DACH2: variants seen among roughly 807,000 people sequenced by gnomAD.
The protein encoded by DACH2 is dachshund family transcription factor 2.
DACH2 carries 17 observed loss-of-function variants against 35.8 expected under a neutral mutation model. The ratio of observed to expected loss-of-function variants is 0.48; its 90% CI spans 0.33 to 0.71. The LOEUF (loss-of-function observed/expected upper bound fraction) is 0.71. Ranked by LOEUF, DACH2 falls within the 30% of genes least tolerant of loss-of-function variation. The probability of loss-of-function intolerance (pLI) is 0.02; values close to 1 mark genes in which losing one functional copy is unlikely to be tolerated. For missense variants in DACH2, 469 were observed against 472.7 expected, an observed-to-expected ratio of 0.99 and a Z score of 0.07; for synonymous variants, 195 against 177.3, an observed-to-expected ratio of 1.10 and a Z score of -0.79.
At chrX:86,438,577 C>T (rs778464191) in intron 2 of DACH2, among the ~76,000 whole-genome samples, 6 of 111,814 alleles carry the variant, frequency 5.4e-5, no homozygotes, top group Non-Finnish European at 1.1e-4. Flanking sequence ...ATGGGTGCCA[C>T]ATTTTCTTTA....
intron 2 of DACH2, among the ~76,000 whole-genome samples, chrX:86,411,020 T>TTTTATATATATATATATATATATATATA (rs1556108950): frequency 3.2e-4 from 13 of 40,508 alleles, no homozygotes; most frequent in Middle Eastern, 0.011. Context: ...ACTAATATGA[T>TTTTATATATATATATATATATATATATA]TATATATATA....
At chrX:86,307,149 G>A in intron 1 of DACH2, among the ~76,000 whole-genome samples, 1 of 111,820 alleles carries the variant, frequency 8.9e-6, no homozygotes, top group Non-Finnish European at 1.9e-5. Context: ...TTGCTCCGAA[G>A]TTCAGTGGAA....
intron 1 of DACH2, among the ~76,000 whole-genome samples, chrX:86,292,502 C>G (rs981991246): frequency 1.8e-5 from 2 of 110,562 alleles, no homozygotes; most frequent in African/African-American, 3.3e-5. Context: ...TTTCTATTTC[C>G]TTTAATTGTG....
At chrX:86,451,997 T>G (rs1180434422) in intron 2 of DACH2, among the ~76,000 whole-genome samples, 1 of 111,947 alleles carries the variant, frequency 8.9e-6, no homozygotes, top group East Asian at 2.8e-4. Flanking sequence ...TTGAGGTATG[T>G]TCCTTCATTA....
chrX:86,665,688 T>A (rs1355137651), intron 4 of DACH2, among the ~76,000 whole-genome samples: 1 of 111,564 alleles, frequency 9.0e-6, no homozygotes, highest in African/African-American at 3.3e-5. Flanking sequence ...TTTTGTATCA[T>A]CTATATTTTG....
At chrX:86,330,866 T>C (rs2035199900) in intron 1 of DACH2, among the ~76,000 whole-genome samples, 1 of 111,719 alleles carries the variant, frequency 9.0e-6, no homozygotes, top group Admixed American at 9.6e-5. Context: ...TTTAGACTGT[T>C]CTGGCCATGA....
chrX:86,463,197 T>C (rs1252986184), intron 2 of DACH2, among the ~76,000 whole-genome samples: 2 of 110,988 alleles, frequency 1.8e-5, no homozygotes, highest in Non-Finnish European at 3.8e-5. Flanking sequence ...TATTATATTT[T>C]CTTGTATAAG....
chrX:86,218,059 T>C (rs1473278973), intron 1 of DACH2, among the ~76,000 whole-genome samples: 1 of 111,606 alleles, frequency 9.0e-6, no homozygotes, highest in Non-Finnish European at 1.9e-5. Flanking sequence ...GTCTATTTAC[T>C]TTAGTCCAAT....
chrX:86,705,050 CATATATAT>C (rs753181886), intron 5 of DACH2, among the ~76,000 whole-genome samples: 1 of 75,287 alleles, frequency 1.3e-5, no homozygotes. Flanking sequence ...ATATATCTCA[CATATATAT>C]ATATATATCT....
At chrX:86,458,879 G>A (rs2037519993) in intron 2 of DACH2, among the ~76,000 whole-genome samples, 1 of 110,420 alleles carries the variant, frequency 9.1e-6, no homozygotes, top group Non-Finnish European at 1.9e-5. Context: ...AGGGGGTGGA[G>A]GCTAGGGGAG....
In DACH2 at chrX:86,205,964, C is replaced by G. The variant is rs771768316; in HGVS notation, c.488+56856C>G. The stretch of plus-strand genomic sequence containing the variant: ...AATAGCTTTCATGTTTTACAAAGTA[C>G]TTTGATACATATTCTCTCACTGACT... On this transcript the variant is annotated intron_variant, in intron 1 of 11. Coordinates refer to ENST00000373125, the MANE Select transcript of DACH2 (RefSeq NM_053281.3). 1.1e-4 allele frequency among the ~76,000 whole-genome samples: 12 copies of G among 111,896 alleles called. No homozygotes were observed. In the East Asian group the frequency reaches 3.4e-3, roughly 32 times the overall value.
At chrX:86,229,834 C>G (rs767062642) in intron 1 of DACH2, among the ~76,000 whole-genome samples, 3 of 95,459 alleles carry the variant, frequency 3.1e-5, no homozygotes, top group Non-Finnish European at 5.7e-5. Context: ...AGAAACTTTG[C>G]TGAATTTTTT....
chrX:86,614,509 C>G (rs1378912017), intron 3 of DACH2, among the ~76,000 whole-genome samples: 1 of 111,578 alleles, frequency 9.0e-6, no homozygotes, highest in Non-Finnish European at 1.9e-5. Context: ...GAGATGTTAT[C>G]CCATTTTGCA....
At chrX:86,722,227 T>G (rs1486584456) in intron 6 of DACH2, among the ~76,000 whole-genome samples, 1 of 112,301 alleles carries the variant, frequency 8.9e-6, no homozygotes, top group Non-Finnish European at 1.9e-5. Flanking sequence ...CCTTAGTTCA[T>G]TGAGCTCTTT....
At chrX:86,233,040 A>G (rs902284893) in intron 1 of DACH2, among the ~76,000 whole-genome samples, 1 of 111,971 alleles carries the variant, frequency 8.9e-6, no homozygotes, top group Non-Finnish European at 1.9e-5. Flanking sequence ...CCTTTCCAGG[A>G]ACATGAATGG....
At chrX:86,293,585 C>G (rs376295764) in intron 1 of DACH2, among the ~76,000 whole-genome samples, 2 of 109,874 alleles carry the variant, frequency 1.8e-5, no homozygotes, top group East Asian at 5.7e-4. Flanking sequence ...CCATGTTTAG[C>G]GCTTCCTTCA....
Position 86,498,855 on chromosome X carries a change from T to A in DACH2, c.528-15424T>A, listed in dbSNP as rs774254551. On this transcript the variant is annotated intron_variant, in intron 2 of 11. Transcript: ENST00000373125. ...TCTCTCAAAAGTGCAAGATTTTTTT[T>A]ATTCTAATTTAAGTAAAATAAGTTT... Among the ~76,000 whole-genome samples the A allele has an allele frequency of 2.7e-5, 3 of 112,137 alleles. No individual in the cohort carries two copies. The East Asian group carries it at 8.4e-4, about 31-fold the overall frequency.
chrX:86,546,503 CTT>C (rs35560036), intron 3 of DACH2, among the ~76,000 whole-genome samples: 1,991 of 69,718 alleles, frequency 0.029, 129 homozygotes, highest in African/African-American at 0.11. Context: ...CTTCTTCTTT[CTT>C]TTTTTTTTTT....
chrX:86,807,790 T>C (rs2042358618), intron 7 of DACH2, among the ~76,000 whole-genome samples: 1 of 112,241 alleles, frequency 8.9e-6, no homozygotes, highest in Non-Finnish European at 1.9e-5. Context: ...TGGAATATTT[T>C]GGACATAATT....
Sources: gnomAD v4.1 joint callset for allele counts (sites outside exome capture counted in the v4.1 genomes callset) on GRCh38, gnomAD v4.1.1 for gene constraint, MANE v1.5 for transcripts, NCBI Gene and HGNC (gene_info 2026-07-23, HGNC 2026-07-21) for gene names.